GSDME: variants seen among roughly 807,000 people sequenced by gnomAD.
The protein encoded by GSDME is gasdermin E, also known as gasdermin-E.
In GSDME, 44 loss-of-function variants were observed where a neutral mutation model predicts 47.5. That is an observed-to-expected ratio of 0.93 (90% CI 0.73 to 1.19). The LOEUF is 1.19. Among genes scored for constraint, GSDME ranks in the 50% most tolerant of loss-of-function variants. GSDME has a pLI of 0.00. For missense variants in GSDME, 663 were observed against 604.2 expected (o/e 1.10, Z -1.02); for synonymous variants, 258 against 252.8 (o/e 1.02, Z -0.20).
rs1159480422 is a variant in GSDME, at chr7:24,725,589, G to T, written c.405-6371C>A. On this transcript the variant is annotated intron_variant, in intron 3 of 9. Coordinates refer to ENST00000645220, the MANE Select transcript of GSDME (RefSeq NM_001127453.2). This position sits in a 1 kb window ranked among gnomAD's most constrained non-coding sequence, Gnocchi z 5.1. ...AACTCTAAGGGGGTGCGCATGAGAG[G>T]GTCGTGATCGATTGAGCAAGCAGTG... 6.6e-6 allele frequency among the ~76,000 whole-genome samples: 1 copy of T among 152,114 alleles called. No homozygotes were observed.
Position 24,744,802 on chromosome 7 carries a change from CA to C in GSDME, c.212-49del. 6.3e-7 allele frequency: 1 copy of C among 1,599,294 alleles called. No individual in the cohort carries two copies. The highest frequency in any genetic ancestry group is 8.6e-7 in the Non-Finnish European group (1 of 1,168,712). ...AGGAAGCCGATGATGATAAGGCCAC[CA>C]AGATGTCTTGGGTCATTTAGCTTTC... On this transcript the variant is annotated intron_variant, in intron 2 of 9. Coordinates refer to ENST00000645220, the MANE Select transcript of GSDME (RefSeq NM_001127453.2). This position sits in a 1 kb window ranked among gnomAD's most constrained non-coding sequence, Gnocchi z 4.5.
At chr7:24,752,211 A>C (rs1482875871) in intron 1 of GSDME, among the ~76,000 whole-genome samples, 1 of 152,154 alleles carries the variant, frequency 6.6e-6, no homozygotes, top group Non-Finnish European at 1.5e-5. Context: ...TGTTGTATTG[A>C]TCTGCCATCC....
the GSDME span, among the ~76,000 whole-genome samples, chr7:24,789,137 T>C: frequency 6.6e-6 from 1 of 152,190 alleles, no homozygotes; most frequent in Non-Finnish European, 1.5e-5. Flanking sequence ...AATGGAACTT[T>C]AGGGAGTGCT....
chr7:24,782,239 C>T, the GSDME span, among the ~76,000 whole-genome samples: 5 of 137,682 alleles, frequency 3.6e-5, no homozygotes, highest in Non-Finnish European at 7.8e-5. Context: ...ACAACAGGCC[C>T]CGGTGTGTGA....
In GSDME at chr7:24,721,477, C is replaced by T. The variant is rs746461889; in HGVS notation, c.405-2259G>A. On this transcript the variant is annotated intron_variant, in intron 3 of 9. Transcript: ENST00000645220. This position sits in a 1 kb window ranked among gnomAD's most constrained non-coding sequence, Gnocchi z 4.1. Reference sequence around the variant, plus strand: ...GCTCTGCCCTCCCACTGGGCAAGCTCGAGTGAAGGGCCACCTCTGCACCTA... The same window carrying T: ...GCTCTGCCCTCCCACTGGGCAAGCTTGAGTGAAGGGCCACCTCTGCACCTA... Among the ~76,000 whole-genome samples, 2 of 152,202 alleles carry T rather than the reference C, an allele frequency of 1.3e-5. No individual in the cohort carries two copies. Among genetic ancestry groups the T allele is most frequent in the East Asian group, 1.9e-4 (1 of 5,196 alleles).
chr7:24,740,185 G>C (rs1790442526), intron 3 of GSDME, among the ~76,000 whole-genome samples: 1 of 151,774 alleles, frequency 6.6e-6, no homozygotes, highest in East Asian at 1.9e-4. Flanking sequence ...GGCACAGAAA[G>C]ATAAACTTCA....
At chr7:24,783,929 AG>A in the GSDME span, among the ~76,000 whole-genome samples, 1 of 152,056 alleles carries the variant, frequency 6.6e-6, no homozygotes, top group Non-Finnish European at 1.5e-5. Flanking sequence ...GAGATGCCCC[AG>A]GGGATTTCCA....
chr7:24,748,168 A>ATATTT (rs1483888057), intron 2 of GSDME, among the ~76,000 whole-genome samples: 21 of 117,492 alleles, frequency 1.8e-4, no homozygotes, highest in African/African-American at 6.0e-4. Context: ...ATATATATAT[A>ATATTT]TTTTTTTTTG....
At chr7:24,709,663 C>T (rs1415460596) in intron 6 of GSDME, among the ~76,000 whole-genome samples, 1 of 152,118 alleles carries the variant, frequency 6.6e-6, no homozygotes, top group African/African-American at 2.4e-5. Flanking sequence ...ACAAAAGAAA[C>T]CAGCTTTCTA....
At chr7:24,772,272 T>A in the GSDME span, among the ~76,000 whole-genome samples, 1 of 152,246 alleles carries the variant, frequency 6.6e-6, no homozygotes, top group South Asian at 2.1e-4. The surrounding 1 kb of genome is among the most constrained non-coding windows in gnomAD (Gnocchi z 4.5). Context: ...GGCTGCATCT[T>A]GCTTAGCTTC....
the GSDME span, among the ~76,000 whole-genome samples, chr7:24,793,794 T>G: frequency 6.6e-6 from 1 of 152,094 alleles, no homozygotes; most frequent in Non-Finnish European, 1.5e-5. Context: ...CTTTTTTTTT[T>G]TTTTTAACTT....
At chr7:24,786,490 A>C in the GSDME span, among the ~76,000 whole-genome samples, 2 of 152,112 alleles carry the variant, frequency 1.3e-5, no homozygotes, top group Non-Finnish European at 2.9e-5. The surrounding 1 kb of genome is among the most constrained non-coding windows in gnomAD (Gnocchi z 5.5). Flanking sequence ...GCTTCTGACA[A>C]ATGGGGATTG....
rs547208827 is a variant in GSDME at position 24,732,444 on chromosome 7, T to C, written c.404+12118A>G. ...ACACCAAAGTCAACAACTATCTATATAAAAAAGCACCTTCATCAGAACCAA... is the reference window on the plus strand; with the variant it reads ...ACACCAAAGTCAACAACTATCTATACAAAAAAGCACCTTCATCAGAACCAA... On this transcript the variant is annotated intron_variant, in intron 3 of 9. Coordinates refer to ENST00000645220, the MANE Select transcript of GSDME (RefSeq NM_001127453.2). This position sits in a 1 kb window ranked among gnomAD's most constrained non-coding sequence, Gnocchi z 4.8. 6.6e-6 allele frequency among the ~76,000 whole-genome samples: 1 copy of C among 152,286 alleles called. No homozygotes were observed. The highest frequency in any genetic ancestry group is 2.1e-4 in the South Asian group (1 of 4,824).
At position 24,708,138 on chromosome 7, in the gene GSDME, G is replaced by A. The variant is rs1789192904; in HGVS notation, c.979C>T (p.Leu327=). Residue 327 remains leucine, a synonymous_variant, in exon 7 of 10, where the codon CTG becomes TTG. Coordinates refer to ENST00000645220, the MANE Select transcript of GSDME (RefSeq NM_001127453.2). ...GTCTCAGGGCTCACCACTGGTTCCA[G>A]GACCATGAGTAGTTCATCATCAAAT... ...VLFDDELLMV[L]EPVCDDLVSG... is the part of the protein sequence containing the mutation. 1 of 1,614,002 alleles carries A rather than the reference G, an allele frequency of 6.2e-7. No homozygotes were observed. The highest frequency in any genetic ancestry group is 1.3e-5 in the African/African-American group (1 of 74,900).
chr7:24,702,784 C>T lies in GSDME; in HGVS notation c.1233G>A (p.Gln411=), dbSNP rs928020767. 6.2e-7 allele frequency: 1 copy of T among 1,613,594 alleles called. No homozygotes were observed. The highest frequency in any genetic ancestry group is 1.7e-5 in the Admixed American group (1 of 59,998). The stretch of plus-strand genomic sequence containing the variant: ...CCAAGTGGCACAGTGTGGGAATGAT[C>T]TGGAGTTTGCAGCAAGTGCCCAGCA... ...AALLGTCCKL[Q]IIPTLCHLLR... The change falls in exon 9 of 10, where the codon CAG becomes CAA. Residue 411 remains glutamine (Q), a synonymous_variant. Coordinates refer to ENST00000645220, the MANE Select transcript of GSDME (RefSeq NM_001127453.2).
At chr7:24,709,394 G>T (rs556291273) in intron 6 of GSDME, among the ~76,000 whole-genome samples, 170 of 151,040 alleles carry the variant, frequency 1.1e-3, no homozygotes, top group Non-Finnish European at 1.9e-3. Context: ...TCCATCTCAA[G>T]GAAGCCAAGA....
rs1040187790 is a variant in GSDME, at chr7:24,744,481, G to T, written c.404+81C>A. ...TTGATCGGCAGAGATCAAATCTGTC[G>T]CCCTTTTAACAAAGGTCCAACTGAA... On this transcript the variant is annotated intron_variant, in intron 3 of 9. Transcript: ENST00000645220. This position sits in a 1 kb window ranked among gnomAD's most constrained non-coding sequence, Gnocchi z 4.5. 7.0e-7 allele frequency: 1 copy of T among 1,428,592 alleles called. No individual in the cohort carries two copies. Among genetic ancestry groups the T allele is most frequent in the Non-Finnish European group, 9.8e-7 (1 of 1,015,856 alleles). 88.5% of individuals were successfully genotyped at this position (1,428,592 alleles called of 1,614,324 possible). A position where few individuals can be genotyped will look rare whatever the true frequency, so the allele number is the denominator to read the frequency against.
chr7:24,733,553 C>T lies in GSDME; in HGVS notation c.404+11009G>A, dbSNP rs1275309739. On this transcript the variant is annotated intron_variant, in intron 3 of 9. Coordinates refer to ENST00000645220, the MANE Select transcript of GSDME (RefSeq NM_001127453.2). This position sits in a 1 kb window ranked among gnomAD's most constrained non-coding sequence, Gnocchi z 4.3. Reference sequence around the variant, plus strand: ...CAGGCCCACAGGGGACCCCACTGCCCTGAAGAGTGCGTCTCAAACCTGCCA... The same window carrying T: ...CAGGCCCACAGGGGACCCCACTGCCTTGAAGAGTGCGTCTCAAACCTGCCA... Among the ~76,000 whole-genome samples, 1 of 152,166 alleles carries T rather than the reference C, an allele frequency of 6.6e-6. No homozygotes were observed. The highest frequency in any genetic ancestry group is 1.5e-5 in the Non-Finnish European group (1 of 68,028).
chr7:24,713,578 G>A (rs1789438390), intron 5 of GSDME, among the ~76,000 whole-genome samples: 1 of 152,196 alleles, frequency 6.6e-6, no homozygotes, highest in Non-Finnish European at 1.5e-5. Context: ...GAGAGGGTGT[G>A]CCATGCCCCA....
Sources: gnomAD v4.1 joint callset for allele counts (sites outside exome capture counted in the v4.1 genomes callset) on GRCh38, gnomAD v4.1.1 for gene constraint, Gnocchi (gnomAD v3.1) non-coding constraint, MANE v1.5 for transcripts, NCBI Gene and HGNC (gene_info 2026-07-23, HGNC 2026-07-21) for gene names.